The following POF1B variants were observed in gnomAD, a reference collection of about 807,000 sequenced individuals.
POF1B encodes the protein protein POF1B.
Under a neutral mutation model 55.3 loss-of-function variants are expected in POF1B, and 53 were observed. The ratio of observed to expected loss-of-function variants is 0.96; its 90% CI spans 0.77 to 1.20. The LOEUF (loss-of-function observed/expected upper bound fraction) is 1.20. POF1B is among the 50% of genes most tolerant of loss of function. The probability of loss-of-function intolerance (pLI) is 0.00; values close to 1 mark genes in which losing one functional copy is unlikely to be tolerated. For synonymous variants in POF1B, 188 were observed against 148.3 expected (o/e 1.27, Z -1.95); for missense variants, 478 against 420.5 (o/e 1.14, Z -1.20).
intron 3 of POF1B, among the ~76,000 whole-genome samples, chrX:85,364,274 A>G (rs1448483468): frequency 9.0e-6 from 1 of 110,843 alleles, no homozygotes; most frequent in Non-Finnish European, 1.9e-5. Flanking sequence ...AAATGTGTGC[A>G]TTTGATTCTG....
chrX:85,298,474 C>T (rs1433048815), intron 15 of POF1B, among the ~76,000 whole-genome samples: 1 of 111,469 alleles, frequency 9.0e-6, no homozygotes, highest in Non-Finnish European at 1.9e-5. Context: ...GTGTTCAGGA[C>T]CAGGAACTAA....
At chrX:85,298,097 T>C (rs1236970069) in intron 15 of POF1B, among the ~76,000 whole-genome samples, 1 of 112,147 alleles carries the variant, frequency 8.9e-6, no homozygotes, top group African/African-American at 3.2e-5. Context: ...GGGAAAGCAC[T>C]CCAGCAGGGC....
intron 6 of POF1B, among the ~76,000 whole-genome samples, chrX:85,331,694 A>T (rs1001435571): frequency 9.0e-6 from 1 of 110,910 alleles, no homozygotes; most frequent in Non-Finnish European, 1.9e-5. Context: ...TTTTTTCTAC[A>T]TAGTGGTAGT....
At chrX:85,303,595 C>A in intron 14 of POF1B, 107 bp from the exon 15 acceptor site, 1 of 511,432 alleles carries the variant, frequency 2.0e-6, no homozygotes, top group South Asian at 3.9e-5. Context: ...TACCCCCTCC[C>A]TTTTACCCCT....
Position 85,305,831 on chromosome X carries a change from T to G in POF1B, c.1397A>C (p.Asn466Thr). ...CTCTCTATCTTTCTCCATTCTCAAG[T>G]TTTTTACCATCTCCGTGTAGTGGTT... ...IGNHYTEMVK[N>T]LRMEKDREIC... Residue 466 changes from asparagine to threonine, a missense_variant, in exon 13 of 17, where the codon AAC becomes ACC. By Grantham distance (65) the Asn-to-Thr change is moderately conservative (BLOSUM62 0). Transcript: ENST00000262753. The G allele has an allele frequency of 8.3e-7, 1 of 1,209,442 alleles. No individual in the cohort carries two copies.
intron 2 of POF1B, among the ~76,000 whole-genome samples, chrX:85,376,609 AAT>A (rs1569301488): frequency 9.0e-6 from 1 of 111,588 alleles, no homozygotes; most frequent in African/African-American, 3.3e-5. Flanking sequence ...AAAAACATAA[AAT>A]ATATGTTTAA....
intron 9 of POF1B, 90 bp from the exon 10 acceptor site, chrX:85,308,306 T>G (rs1603035088): frequency 2.0e-6 from 1 of 507,860 alleles, no homozygotes; most frequent in East Asian, 4.0e-5. Flanking sequence ...ACTAGCAAAC[T>G]TATTAATAAT....
intron 15 of POF1B, among the ~76,000 whole-genome samples, chrX:85,296,189 A>G (rs1932304030): frequency 9.0e-6 from 1 of 111,297 alleles, no homozygotes; most frequent in Non-Finnish European, 1.9e-5. Flanking sequence ...TTTTTATTGA[A>G]CTTACCACTC....
chrX:85,302,223 T>G (rs769921055), intron 15 of POF1B, among the ~76,000 whole-genome samples: 1 of 111,489 alleles, frequency 9.0e-6, no homozygotes, highest in Non-Finnish European at 1.9e-5. Context: ...CTTGTGAACA[T>G]GTGAAAATCT....
intron 16 of POF1B, among the ~76,000 whole-genome samples, chrX:85,279,857 A>C (rs1931859800): frequency 9.0e-6 from 1 of 111,092 alleles, no homozygotes; most frequent in African/African-American, 3.3e-5. Flanking sequence ...TATTCTGTAG[A>C]AACTTTATTT....
intron 9 of POF1B, among the ~76,000 whole-genome samples, chrX:85,312,631 T>A (rs1932732478): frequency 9.0e-6 from 1 of 111,647 alleles, no homozygotes; most frequent in Non-Finnish European, 1.9e-5. Context: ...TTTGTTCTTT[T>A]GGCTTAGGAT....
At chrX:85,313,254 G>A (rs138906756) in intron 9 of POF1B, among the ~76,000 whole-genome samples, 2,988 of 111,344 alleles carry the variant, frequency 0.027, 104 homozygotes, top group African/African-American at 0.091. Flanking sequence ...GTCTTGTGCC[G>A]GTTTTCAAAG....
At position 85,379,235 on chromosome X, in the gene POF1B, C is replaced by G; in HGVS notation, c.220G>C (p.Val74Leu). The change falls in exon 2 of 17, where the codon GTG (valine) becomes CTG (leucine). Residue 74 changes from valine (V) to leucine (L), a missense_variant. Coordinates refer to ENST00000262753, the MANE Select transcript of POF1B (RefSeq NM_024921.4). ...GAGGTGGTTTTGAGAGGGGAGAGCA[C>G]TTCCCGTGAGTTGAAGGGGTCCAAG... ...QALDPFNSRE[V>L]LSPLKTTSSY... 5.8e-6 allele frequency: 7 copies of G among 1,211,088 alleles called. No individual in the cohort carries two copies. The highest frequency in any genetic ancestry group is 7.8e-6 in the Non-Finnish European group (7 of 895,312).
At chrX:85,367,663 A>G in intron 3 of POF1B, 29 bp downstream of exon 3, 1 of 1,060,047 alleles carries the variant, frequency 9.4e-7, no homozygotes, top group Non-Finnish European at 1.3e-6. Flanking sequence ...AAGAGGAACA[A>G]ATCTAATGTA....
chrX:85,327,243 A>G (rs1341494120), intron 7 of POF1B, among the ~76,000 whole-genome samples: 1 of 110,838 alleles, frequency 9.0e-6, no homozygotes, highest in Non-Finnish European at 1.9e-5. Context: ...CTTCCCGAGG[A>G]GTTGTTGGGG....
At chrX:85,319,416 G>T (rs1932815395) in intron 7 of POF1B, among the ~76,000 whole-genome samples, 1 of 111,043 alleles carries the variant, frequency 9.0e-6, no homozygotes, top group African/African-American at 3.3e-5. Flanking sequence ...TTGCATAGAA[G>T]TGGTGAGAGA....
At chrX:85,358,511 C>T (rs774020136) in intron 4 of POF1B, among the ~76,000 whole-genome samples, 1 of 111,204 alleles carries the variant, frequency 9.0e-6, no homozygotes, top group Admixed American at 9.6e-5. Context: ...TGGATTATGT[C>T]CACTAATGGA....
At chrX:85,314,689 A>G (rs1408229264) in intron 8 of POF1B, among the ~76,000 whole-genome samples, 183 bp from the exon 9 acceptor site, 1 of 111,963 alleles carries the variant, frequency 8.9e-6, no homozygotes, top group Non-Finnish European at 1.9e-5. Flanking sequence ...AAAATCAATT[A>G]TATTACAAAC....
At chrX:85,304,895 T>G (rs1420787498) in intron 13 of POF1B, among the ~76,000 whole-genome samples, 1 of 111,767 alleles carries the variant, frequency 8.9e-6, no homozygotes, top group African/African-American at 3.2e-5. Context: ...AGCATTATTA[T>G]AATCTTCATT....
Sources: gnomAD v4.1 joint callset for allele counts (sites outside exome capture counted in the v4.1 genomes callset) on GRCh38, gnomAD v4.1.1 for gene constraint, MANE v1.5 for transcripts, NCBI Gene and HGNC (gene_info 2026-07-23, HGNC 2026-07-21) for gene names.